Variants in CFAP20DC observed in about 807,000 individuals in gnomAD.
CFAP20DC encodes CFAP20 domain containing.
In CFAP20DC, 84 loss-of-function variants were observed where a neutral mutation model predicts 101.7. The ratio of observed to expected loss-of-function variants is 0.83; its 90% CI spans 0.69 to 0.99. The LOEUF is 0.99. Ranked by LOEUF, CFAP20DC falls within the 50% of genes least tolerant of loss-of-function variation. CFAP20DC has a pLI of 0.00. For missense variants in CFAP20DC, 1,007 were observed against 970.3 expected (o/e 1.04, Z -0.50); for synonymous variants, 359 against 351.2 (o/e 1.02, Z -0.25).
intron 14 of CFAP20DC, among the ~76,000 whole-genome samples, chr3:58,822,038 C>G (rs574296762): frequency 7.0e-6 from 1 of 142,414 alleles, no homozygotes; most frequent in Non-Finnish European, 1.5e-5. Context: ...AGTAAACTAT[C>G]GCAAGAACAA....
intron 5 of CFAP20DC, among the ~76,000 whole-genome samples, chr3:58,920,746 C>T (rs1397791632): frequency 6.6e-6 from 1 of 152,136 alleles, no homozygotes; most frequent in African/African-American, 2.4e-5. Context: ...TGATTTATAG[C>T]TCTTTTGAGA....
intron 6 of CFAP20DC, among the ~76,000 whole-genome samples, chr3:58,905,279 T>C (rs2083485382): frequency 1.3e-5 from 2 of 152,210 alleles, no homozygotes; most frequent in Non-Finnish European, 2.9e-5. Flanking sequence ...TCTACACAGA[T>C]ATTATCATTG....
Position 58,788,436 on chromosome 3 carries a change from T to C in CFAP20DC, c.2237+17959A>G, listed in dbSNP as rs2072572106. On this transcript the variant is annotated intron_variant, in intron 15 of 16. Transcript: ENST00000482387. The surrounding 1 kb of genome is among the most constrained non-coding windows in gnomAD (Gnocchi z 4.2). ...TGTATGAGAAGTAATGGGGAGCAAA[T>C]GGGGAATCAACGAGAAAAATTTCTT... 6.6e-6 allele frequency among the ~76,000 whole-genome samples: 1 copy of C among 152,122 alleles called. No homozygotes were observed. Among genetic ancestry groups the C allele is most frequent in the South Asian group, 2.1e-4 (1 of 4,826 alleles).
chr3:58,807,972 A>G (rs1389965074), intron 14 of CFAP20DC, among the ~76,000 whole-genome samples: 1 of 152,232 alleles, frequency 6.6e-6, no homozygotes, highest in Non-Finnish European at 1.5e-5. Context: ...CAGTGATGGA[A>G]GATGAAATGA....
intron 15 of CFAP20DC, among the ~76,000 whole-genome samples, chr3:58,766,759 G>A (rs1375628239): frequency 6.6e-6 from 1 of 152,160 alleles, no homozygotes. Context: ...TTCCTAGAGT[G>A]TGCCATGCTC....
At chr3:58,952,497 G>C (rs149187268) in intron 4 of CFAP20DC, among the ~76,000 whole-genome samples, 1 of 152,096 alleles carries the variant, frequency 6.6e-6, no homozygotes, top group African/African-American at 2.4e-5. Flanking sequence ...ATCAACTTGG[G>C]TGGCTGTGGA....
rs953541194 is a variant in CFAP20DC at position 58,964,274 on chromosome 3, G to T, written c.279-26512C>A. 6.6e-6 allele frequency among the ~76,000 whole-genome samples: 1 copy of T among 152,164 alleles called. No individual in the cohort carries two copies. The highest frequency in any genetic ancestry group is 1.5e-5 in the Non-Finnish European group (1 of 68,024). On this transcript the variant is annotated intron_variant, in intron 4 of 16. Coordinates refer to ENST00000482387, the MANE Select transcript of CFAP20DC (RefSeq NM_001394063.1). This position sits in a 1 kb window ranked among gnomAD's most constrained non-coding sequence, Gnocchi z 4.1. The stretch of plus-strand genomic sequence containing the variant: ...GACTGGTTCTGGCCAGTTTAGGGAG[G>T]CTGGTCACTCAAATGCCTTCATGTC...
intron 12 of CFAP20DC, chr3:58,862,770 A>G (rs1405218886): frequency 1.0e-6 from 1 of 978,142 alleles, no homozygotes; most frequent in Non-Finnish European, 1.2e-6. Context: ...CTAACCCTAA[A>G]GTTGTTCGTA....
rs548037100 is a variant in CFAP20DC, at chr3:58,936,576, A to C, written c.393+1072T>G. On this transcript the variant is annotated intron_variant, in intron 5 of 16. Transcript: ENST00000482387. ...TAAAAAAATGTGGCACATATACACC[A>C]TGGAATACTATGCAGCCATAAAAAA... Among the ~76,000 whole-genome samples the C allele has an allele frequency of 2.3e-4, 35 of 152,360 alleles. No homozygotes were observed. In the South Asian group the frequency reaches 4.6e-3, roughly 20 times the overall value.
At chr3:58,811,760 G>C (rs910134432) in intron 14 of CFAP20DC, among the ~76,000 whole-genome samples, 2 of 151,760 alleles carry the variant, frequency 1.3e-5, no homozygotes, top group Non-Finnish European at 2.9e-5. Flanking sequence ...CCATCAGAGT[G>C]AACAGACAAC....
intron 6 of CFAP20DC, among the ~76,000 whole-genome samples, chr3:58,888,360 C>G (rs1404375452): frequency 6.6e-6 from 1 of 152,154 alleles, no homozygotes; most frequent in Non-Finnish European, 1.5e-5. Flanking sequence ...GAAGCTTACA[C>G]CTAGCAGAGA....
chr3:59,020,155 T>C (rs918214651), intron 4 of CFAP20DC, among the ~76,000 whole-genome samples: 3 of 152,062 alleles, frequency 2.0e-5, no homozygotes, highest in African/African-American at 7.2e-5. Flanking sequence ...TTTATTATTA[T>C]TTCTAAATAA....
intron 3 of CFAP20DC, among the ~76,000 whole-genome samples, chr3:58,733,357 T>TAA (rs112401961): frequency 0.011 from 1,682 of 149,580 alleles, 39 homozygotes; most frequent in African/African-American, 0.038. Context: ...AGTATAATAA[T>TAA]AAAAAAAACA....
intron 4 of CFAP20DC, among the ~76,000 whole-genome samples, chr3:58,974,501 A>G (rs1256443150): frequency 6.6e-6 from 1 of 152,138 alleles, no homozygotes; most frequent in Non-Finnish European, 1.5e-5. Context: ...ACATTGTAGG[A>G]TGAGTGCACC....
At chr3:58,893,326 G>A (rs1304062179) in intron 6 of CFAP20DC, among the ~76,000 whole-genome samples, 1 of 152,174 alleles carries the variant, frequency 6.6e-6, no homozygotes, top group African/African-American at 2.4e-5. Context: ...TTAAAGGCGT[G>A]AGCCACCGTG....
At chr3:58,789,329 G>C (rs1426133927) in intron 15 of CFAP20DC, among the ~76,000 whole-genome samples, 1 of 152,160 alleles carries the variant, frequency 6.6e-6, no homozygotes, top group Non-Finnish European at 1.5e-5. Flanking sequence ...GGTGCAGAAA[G>C]AGTAGGTGGG....
chr3:58,809,169 C>A (rs1358604278), intron 14 of CFAP20DC, among the ~76,000 whole-genome samples: 1 of 152,056 alleles, frequency 6.6e-6, no homozygotes, highest in Admixed American at 6.6e-5. Flanking sequence ...CAAGGATACC[C>A]AGGAATTGAA....
chr3:58,850,701 C>T (rs2108319544), intron 12 of CFAP20DC, among the ~76,000 whole-genome samples: 1 of 151,872 alleles, frequency 6.6e-6, no homozygotes, highest in African/African-American at 2.4e-5. Flanking sequence ...AACAAAAAAG[C>T]ACAGTCCATT....
chr3:58,974,562 A>C (rs2092159965), intron 4 of CFAP20DC, among the ~76,000 whole-genome samples: 1 of 152,124 alleles, frequency 6.6e-6, no homozygotes, highest in Admixed American at 6.6e-5. Flanking sequence ...TGGCAGATGC[A>C]CCTGAATATG....
Sources: allele counts gnomAD v4.1 joint callset (sites outside exome capture counted in the v4.1 genomes callset), GRCh38; gene constraint gnomAD v4.1.1; non-coding constraint Gnocchi (gnomAD v3.1); transcripts MANE v1.5; gene names NCBI Gene and HGNC (gene_info 2026-07-23, HGNC 2026-07-21).